Variants in CCNI2 observed in about 807,000 individuals in gnomAD.
The protein encoded by CCNI2 is cyclin I family member 2.
In CCNI2, 32 loss-of-function variants were observed where a neutral mutation model predicts 33.2. That is an observed-to-expected ratio of 0.96 (90% confidence interval 0.73 to 1.30). The LOEUF (loss-of-function observed/expected upper bound fraction) is 1.30, where lower values mean the gene tolerates loss of function less well. Among genes scored for constraint, CCNI2 ranks in the 50% most tolerant of loss-of-function variants. The pLI is 0.00. For synonymous variants in CCNI2, 231 were observed against 219.9 expected, an observed-to-expected ratio of 1.05 and a Z score of -0.45; for missense variants, 452 against 486.2, an observed-to-expected ratio of 0.93 and a Z score of 0.66.
At position 132,747,531 on chromosome 5, in the gene CCNI2, G is replaced by T. The variant is rs1211168452; in HGVS notation, c.36G>T (p.Ser12=). The T allele has an allele frequency of 6.7e-7, 1 of 1,502,690 alleles. No individual in the cohort carries two copies. Among genetic ancestry groups the T allele is most frequent in the Admixed American group, 2.1e-5 (1 of 47,698 alleles). The allele number at this position is 1,502,690 out of a possible 1,614,324, so 93.1% of individuals were successfully genotyped here. A position where few individuals can be genotyped will look rare whatever the true frequency, so the allele number is the denominator to read the frequency against. The stretch of plus-strand genomic sequence containing the variant: ...GCGCTCAGCTCCCGCCGCAGCCGTC[G>T]AGCTCAGAGGTCAGCGCCGTCCAGA... ...ASGAQLPPQP[S]SSEVSAVQSP... The change falls in exon 1 of 6, where the codon TCG becomes TCT. Residue 12 remains serine, a synonymous_variant. Transcript: ENST00000378731. The surrounding 1 kb of genome is among the most constrained non-coding windows in gnomAD (Gnocchi z 4.1).
chr5:132,755,843 G>A (rs1425548044), downstream of CCNI2, among the ~76,000 whole-genome samples: 4 of 152,090 alleles, frequency 2.6e-5, no homozygotes, highest in Admixed American at 1.3e-4. Context: ...ACAGATGTCT[G>A]TAGCAGGGTT....
At chr5:132,754,981 C>T (rs1755201043), downstream of CCNI2, among the ~76,000 whole-genome samples, 1 of 152,142 alleles carries the variant, frequency 6.6e-6, no homozygotes. Context: ...TAAACTTGTC[C>T]AAACAGTACT....
chr5:132,748,199 G>T (rs977842414), intron 1 of CCNI2, 148 bp from the exon 2 acceptor site: 3 of 1,157,282 alleles, frequency 2.6e-6, no homozygotes, highest in Non-Finnish European at 3.6e-6. Flanking sequence ...CCGCTGCGCC[G>T]GGGGGCGCTT....
chr5:132,751,075 C>A, intron 4 of CCNI2, 78 bp downstream of exon 4: 1 of 1,548,070 alleles, frequency 6.5e-7, no homozygotes, highest in Non-Finnish European at 8.8e-7. Flanking sequence ...CATGGGATGG[C>A]AAAGCACAGG....
chr5:132,751,974 C>T lies in CCNI2; in HGVS notation c.783C>T (p.Ala261=). Residue 261 remains alanine (A), a synonymous_variant, in exon 5 of 6, where the codon GCC becomes GCT. Transcript: ENST00000378731. ...TPLDFLTIFH[A]LVVLSWPHVL... ...AAAACCATGGTCTCCAGTTCCATGC[C>T]CTGGTGGTCCTGAGCTGGCCCCATG... is the stretch of plus-strand genomic sequence containing the variant. 1 of 1,610,640 alleles carries T rather than the reference C, an allele frequency of 6.2e-7. No homozygotes were observed. The highest frequency in any genetic ancestry group is 8.5e-7 in the Non-Finnish European group (1 of 1,178,648).
rs891441157 is a variant in CCNI2, at chr5:132,754,330, C to G, written c.*1360C>G. On this transcript the variant is annotated 3_prime_UTR_variant, in exon 6 of 6. Coordinates refer to ENST00000378731, the MANE Select transcript of CCNI2 (RefSeq NM_001039780.4). ...TGCTGCTCACAGCTTCCAGTGGTGG[C>G]CGTTGAGTGCCCTCTGCCTCCTTCC... 3 of 701,404 alleles carry G rather than the reference C, an allele frequency of 4.3e-6. No individual in the cohort carries two copies. The highest frequency in any genetic ancestry group is 1.8e-5 in the African/African-American group (1 of 56,958). 43.4% of individuals were successfully genotyped at this position (701,404 alleles called of 1,614,324 possible). A position where few individuals can be genotyped will look rare whatever the true frequency, so the allele number is the denominator to read the frequency against.
In CCNI2 at chr5:132,754,133, C is replaced by T. The variant is rs1755122587; in HGVS notation, c.*1163C>T. 2.6e-6 allele frequency: 1 copy of T among 379,796 alleles called. No individual in the cohort carries two copies. The highest frequency in any genetic ancestry group is 4.8e-6 in the Non-Finnish European group (1 of 207,466). 23.5% of individuals were successfully genotyped at this position (379,796 alleles called of 1,614,324 possible). A position where few individuals can be genotyped will look rare whatever the true frequency, so the allele number is the denominator to read the frequency against. On this transcript the variant is annotated 3_prime_UTR_variant, in exon 6 of 6. Transcript: ENST00000378731. ...CTTGACACACTTTTGCTTGTTGGTG[C>T]TTTCGTTAAAATTACACTTTAATTG...
Position 132,753,008 on chromosome 5 carries a change from G to T in CCNI2, c.*38G>T. 1 of 1,500,440 alleles carries T rather than the reference G, an allele frequency of 6.7e-7. No homozygotes were observed. The highest frequency in any genetic ancestry group is 1.1e-5 in the South Asian group (1 of 88,510). 92.9% of individuals were successfully genotyped at this position (1,500,440 alleles called of 1,614,324 possible). A position where few individuals can be genotyped will look rare whatever the true frequency, so the allele number is the denominator to read the frequency against. On this transcript the variant is annotated 3_prime_UTR_variant, in exon 6 of 6. Coordinates refer to ENST00000378731, the MANE Select transcript of CCNI2 (RefSeq NM_001039780.4). ...CACCCCGGGGCTTTCAGAGCATAGT[G>T]TGAAACCTCCTTGCTTGGACTACCA...
At position 132,754,363 on chromosome 5, in the gene CCNI2, G is replaced by GT. The variant is rs1439636044; in HGVS notation, c.*1394dup. 1.5e-5 allele frequency: 11 copies of GT among 716,460 alleles called. No individual in the cohort carries two copies. Among genetic ancestry groups the GT allele is most frequent in the East Asian group, 2.7e-5 (1 of 37,292 alleles). 44.4% of individuals were successfully genotyped at this position (716,460 alleles called of 1,614,324 possible). A position where few individuals can be genotyped will look rare whatever the true frequency, so the allele number is the denominator to read the frequency against. ...TGCCCTCTGCCTCCTTCCTTCCAGT[G>GT]TAAGTGGGACCACAGTGCATGAGGC... On this transcript the variant is annotated 3_prime_UTR_variant, in exon 6 of 6. Transcript: ENST00000378731.
chr5:132,754,761 C>G (rs1156972042), downstream of CCNI2, among the ~76,000 whole-genome samples: 1 of 152,200 alleles, frequency 6.6e-6, no homozygotes, highest in African/African-American at 2.4e-5. Flanking sequence ...TATCCCACCT[C>G]AACTCAGAGA....
Position 132,752,075 on chromosome 5 carries a change from C to T in CCNI2, c.884C>T (p.Ala295Val), listed in dbSNP as rs760371108. Residue 295 changes from alanine to valine, a missense_variant, in exon 5 of 6, where the codon GCG (alanine) becomes GTG (valine). Transcript: ENST00000378731. ...SLTRQLQHCMAGHQLLQFKGS... is the reference protein window; with the variant it reads ...SLTRQLQHCMVGHQLLQFKGS... The stretch of plus-strand genomic sequence containing the variant: ...ACCAGGCAGCTGCAGCACTGTATGG[C>T]GGGCCACCAGCTGCTGCAGTTCAAG... The T allele has an allele frequency of 1.8e-5, 29 of 1,604,842 alleles. No homozygotes were observed. Among genetic ancestry groups the T allele is most frequent in the South Asian group, 6.7e-5 (6 of 88,928 alleles).
chr5:132,750,971 G>T lies in CCNI2; in HGVS notation c.748G>T (p.Gly250Trp). The T allele has an allele frequency of 6.2e-7, 1 of 1,614,166 alleles. No homozygotes were observed. The highest frequency in any genetic ancestry group is 1.1e-5 in the South Asian group (1 of 91,056). Residue 250 changes from glycine to tryptophan, a missense_variant, in exon 4 of 6, where the codon GGG (glycine) becomes TGG (tryptophan). Transcript: ENST00000378731. ...LDRLHWDLYI[G>W]TPLDFLTIFH... Reference sequence around the variant, plus strand: ...CAGACTGCACTGGGACCTCTATATTGGGACGCCGCTGGACTTCTTGACTAT... The same window carrying T: ...CAGACTGCACTGGGACCTCTATATTTGGACGCCGCTGGACTTCTTGACTAT...
chr5:132,752,100 G>C lies in CCNI2; in HGVS notation c.909G>C (p.Lys303Asn), dbSNP rs973245890. 7.5e-6 allele frequency: 12 copies of C among 1,600,878 alleles called. No homozygotes were observed. The highest frequency in any genetic ancestry group is 1.0e-5 in the Non-Finnish European group (12 of 1,173,630). Residue 303 changes from lysine (K) to asparagine (N), a missense_variant, in exon 5 of 6, where the codon AAG becomes AAC. Transcript: ENST00000378731. ...CGGGCCACCAGCTGCTGCAGTTCAAGGGCTCCACACTGGCCTTGGTCATCA... is the reference window on the plus strand; with the variant it reads ...CGGGCCACCAGCTGCTGCAGTTCAACGGCTCCACACTGGCCTTGGTCATCA... ...CMAGHQLLQF[K>N]GSTLALVIIT...
At chr5:132,754,604 G>C (rs1376424422), downstream of CCNI2, 1 of 701,194 alleles carries the variant, frequency 1.4e-6, no homozygotes, top group African/African-American at 1.8e-5. Flanking sequence ...ATAAATGATA[G>C]AACTCTTCTA....
intron 5 of CCNI2, among the ~76,000 whole-genome samples, chr5:132,752,455 T>C (rs1754931662): frequency 6.6e-6 from 1 of 152,150 alleles, no homozygotes; most frequent in Non-Finnish European, 1.5e-5. Context: ...ATGGGAGCCC[T>C]TGTAGCCAAG....
chr5:132,755,028 T>A (rs1755205614), downstream of CCNI2, among the ~76,000 whole-genome samples: 1 of 152,078 alleles, frequency 6.6e-6, no homozygotes, highest in South Asian at 2.1e-4. Context: ...TTGATGATGT[T>A]TCCACCACCT....
chr5:132,747,969 G>T lies in CCNI2; in HGVS notation c.429+45G>T. ...GGCCCTCCTCGCGCGTGCACGGCAGGCGGATGTGGCCTCCACCTGCACCCG... is the reference window on the plus strand; with the variant it reads ...GGCCCTCCTCGCGCGTGCACGGCAGTCGGATGTGGCCTCCACCTGCACCCG... On this transcript the variant is annotated intron_variant, in intron 1 of 5. Transcript: ENST00000378731. This position sits in a 1 kb window ranked among gnomAD's most constrained non-coding sequence, Gnocchi z 4.1. 7.4e-7 allele frequency: 1 copy of T among 1,357,474 alleles called. No homozygotes were observed. Among genetic ancestry groups the T allele is most frequent in the South Asian group, 1.8e-5 (1 of 55,466 alleles). The allele number at this position is 1,357,474 out of a possible 1,614,324, so 84.1% of individuals were successfully genotyped here.
rs115141047 is a variant in CCNI2, at chr5:132,751,902, T to C, written c.775-64T>C. 4,427 of 1,520,480 alleles carry C rather than the reference T, an allele frequency of 2.9e-3. 75 individuals carry two copies. In the African/African-American group the frequency reaches 0.043, roughly 15 times the overall value. The allele number at this position is 1,520,480 out of a possible 1,614,324, so 94.2% of individuals were successfully genotyped here. ...ATGGAAATTTAAATTGTTTGCACTTTTGATCATTGATATAGGAAAAGTATG... is the reference window on the plus strand; with the variant it reads ...ATGGAAATTTAAATTGTTTGCACTTCTGATCATTGATATAGGAAAAGTATG... On this transcript the variant is annotated intron_variant, in intron 4 of 5. Transcript: ENST00000378731.
At chr5:132,749,289 C>T (rs1754708855) in intron 2 of CCNI2, 59 bp from the exon 3 acceptor site, 2 of 1,346,968 alleles carry the variant, frequency 1.5e-6, no homozygotes, top group Non-Finnish European at 2.1e-6. Context: ...AACACAGATG[C>T]TTTTCAGTTT....
Sources: allele counts gnomAD v4.1 joint callset (sites outside exome capture counted in the v4.1 genomes callset), GRCh38; gene constraint gnomAD v4.1.1; non-coding constraint Gnocchi (gnomAD v3.1); transcripts MANE v1.5; gene names NCBI Gene and HGNC (gene_info 2026-07-23, HGNC 2026-07-21).